Variants in NXPH1 observed in about 807,000 individuals in gnomAD.
NXPH1 encodes neurexophilin 1, also known as neurexophilin-1.
Under a neutral mutation model 23.7 loss-of-function variants are expected in NXPH1, and 5 were observed. That is an observed-to-expected ratio of 0.21 (90% CI 0.11 to 0.44). The LOEUF is 0.44. Ranked by LOEUF, NXPH1 falls within the 20% of genes least tolerant of loss-of-function variation. NXPH1 has a pLI of 0.99. For synonymous variants in NXPH1, 144 were observed against 122.2 expected (o/e 1.18, Z -1.18); for missense variants, 324 against 321.6 (o/e 1.01, Z -0.06).
intron 2 of NXPH1, among the ~76,000 whole-genome samples, chr7:8,591,188 G>T (rs1819087181): frequency 6.6e-6 from 1 of 152,062 alleles, no homozygotes; most frequent in African/African-American, 2.4e-5. Flanking sequence ...TAAACATTGT[G>T]TCGTTCTTTC....
rs540056222 is a variant in NXPH1, at chr7:8,678,928, A to ATTTTTTTTT, written c.55-72053_55-72045dup. On this transcript the variant is annotated intron_variant, in intron 2 of 2. Transcript: ENST00000405863. Reference sequence around the variant, plus strand: ...TCTAGATTTATCTTTGCTTTATCCAATTTTTTTTTTTTTTTTTTTTTTTTT... The same window carrying ATTTTTTTTT: ...TCTAGATTTATCTTTGCTTTATCCAATTTTTTTTTTTTTTTTTTTTTTTTTTTTTTTTTT... 4.4e-3 allele frequency among the ~76,000 whole-genome samples: 304 copies of ATTTTTTTTT among 68,794 alleles called. 31 individuals are homozygous for ATTTTTTTTT. The highest frequency in any genetic ancestry group is 6.6e-3 in the African/African-American group (90 of 13,552). The allele number at this position is 68,794 out of a possible 152,430, so 45.1% of individuals were successfully genotyped here. A position where few individuals can be genotyped will look rare whatever the true frequency, so the allele number is the denominator to read the frequency against.
intron 2 of NXPH1, among the ~76,000 whole-genome samples, chr7:8,538,023 C>T (rs888576232): frequency 6.6e-6 from 1 of 151,856 alleles, no homozygotes; most frequent in Non-Finnish European, 1.5e-5. Flanking sequence ...GCAATAGTTA[C>T]AGCAATGATG....
intron 2 of NXPH1, among the ~76,000 whole-genome samples, chr7:8,663,142 T>A (rs1031531416): frequency 2.0e-5 from 3 of 152,008 alleles, no homozygotes; most frequent in Non-Finnish European, 2.9e-5. Context: ...AAAATTGAGA[T>A]ATTGGAGTCA....
intron 2 of NXPH1, among the ~76,000 whole-genome samples, chr7:8,659,475 C>T (rs979527280): frequency 6.6e-6 from 1 of 152,108 alleles, no homozygotes; most frequent in Non-Finnish European, 1.5e-5. Context: ...AGCAAACTAT[C>T]GCAAGGACAG....
At chr7:8,736,549 T>C (rs1780260014) in intron 2 of NXPH1, among the ~76,000 whole-genome samples, 1 of 152,154 alleles carries the variant, frequency 6.6e-6, no homozygotes. Flanking sequence ...TTACTTTCAA[T>C]TATGTAGTCA....
intron 2 of NXPH1, among the ~76,000 whole-genome samples, chr7:8,607,798 T>G (rs1819526720): frequency 6.6e-6 from 1 of 152,212 alleles, no homozygotes; most frequent in Non-Finnish European, 1.5e-5. Context: ...CTGGTTCCTG[T>G]GAATATGACC....
chr7:8,693,749 A>G (rs1002362105), intron 2 of NXPH1, among the ~76,000 whole-genome samples: 1 of 152,194 alleles, frequency 6.6e-6, no homozygotes, highest in Non-Finnish European at 1.5e-5. Flanking sequence ...TCACTCCCGT[A>G]CACAATGTTT....
chr7:8,651,133 C>T (rs1266941905), intron 2 of NXPH1, among the ~76,000 whole-genome samples: 5 of 149,934 alleles, frequency 3.3e-5, no homozygotes, highest in Admixed American at 1.3e-4. Flanking sequence ...TCCCCCCACC[C>T]CACAACAGTC....
intron 2 of NXPH1, among the ~76,000 whole-genome samples, chr7:8,520,704 C>T (rs1434565423): frequency 6.6e-6 from 1 of 152,126 alleles, no homozygotes; most frequent in East Asian, 1.9e-4. Context: ...CTCTTCCCAT[C>T]TGTTAATGGG....
At chr7:8,459,831 C>T (rs1355284995) in intron 2 of NXPH1, among the ~76,000 whole-genome samples, 1 of 152,138 alleles carries the variant, frequency 6.6e-6, no homozygotes, top group Non-Finnish European at 1.5e-5. Context: ...CCCAGATATG[C>T]AATAAATATT....
intron 2 of NXPH1, among the ~76,000 whole-genome samples, chr7:8,640,750 A>G (rs2115142911): frequency 6.6e-6 from 1 of 152,222 alleles, no homozygotes; most frequent in Non-Finnish European, 1.5e-5. Flanking sequence ...TGAGTCCAGG[A>G]GTTTGAAACT....
intron 2 of NXPH1, among the ~76,000 whole-genome samples, chr7:8,583,110 T>C (rs984259487): frequency 2.0e-5 from 3 of 152,224 alleles, no homozygotes; most frequent in African/African-American, 7.2e-5. Flanking sequence ...CCAGCTGTGC[T>C]TAGGGATCTG....
At chr7:8,744,647 A>G (rs1174093868) in intron 2 of NXPH1, among the ~76,000 whole-genome samples, 9 of 152,202 alleles carry the variant, frequency 5.9e-5, no homozygotes, top group Admixed American at 5.2e-4. Context: ...TTCCTAGTGG[A>G]TGGCATCACC....
intron 2 of NXPH1, among the ~76,000 whole-genome samples, chr7:8,566,159 C>A (rs1020449049): frequency 6.6e-6 from 1 of 151,802 alleles, no homozygotes; most frequent in Non-Finnish European, 1.5e-5. Flanking sequence ...GAGGCTCGAG[C>A]AAAGGAGCTT....
At position 8,534,006 on chromosome 7, in the gene NXPH1, A is replaced by T. The variant is rs542622838; in HGVS notation, c.54+98239A>T. ...GCAAGATAATTCATTTTTAATTTTGACCAAATGTTAACAACATATTGTGCT... is the reference window on the plus strand; with the variant it reads ...GCAAGATAATTCATTTTTAATTTTGTCCAAATGTTAACAACATATTGTGCT... On this transcript the variant is annotated intron_variant, in intron 2 of 2. Transcript: ENST00000405863. Among the ~76,000 whole-genome samples, 3 of 152,272 alleles carry T rather than the reference A, an allele frequency of 2.0e-5. No individual in the cohort carries two copies. The South Asian group carries it at 6.2e-4, about 32-fold the overall frequency.
chr7:8,681,802 A>G (rs946559350), intron 2 of NXPH1, among the ~76,000 whole-genome samples: 3 of 152,218 alleles, frequency 2.0e-5, no homozygotes, highest in Admixed American at 1.3e-4. Context: ...ATTGGGAGAC[A>G]TTGGCCTATC....
chr7:8,489,000 T>C (rs911412941), intron 2 of NXPH1, among the ~76,000 whole-genome samples: 4 of 152,166 alleles, frequency 2.6e-5, no homozygotes, highest in Non-Finnish European at 5.9e-5. Context: ...GAAGAGTCTT[T>C]GGACTCAAAC....
chr7:8,474,384 C>G (rs938740120), intron 2 of NXPH1, among the ~76,000 whole-genome samples: 5 of 151,872 alleles, frequency 3.3e-5, no homozygotes, highest in Non-Finnish European at 5.9e-5. Flanking sequence ...TATATAGTAC[C>G]AAATTGGGAA....
intron 2 of NXPH1, among the ~76,000 whole-genome samples, chr7:8,463,766 A>G: frequency 6.6e-6 from 1 of 152,082 alleles, no homozygotes; most frequent in Non-Finnish European, 1.5e-5. Context: ...TTAGTCACTT[A>G]AGCTTTCTAA....
Sources: allele counts gnomAD v4.1 joint callset (sites outside exome capture counted in the v4.1 genomes callset), GRCh38; gene constraint gnomAD v4.1.1; transcripts MANE v1.5; gene names NCBI Gene and HGNC (gene_info 2026-07-23, HGNC 2026-07-21).